Variants in FHIT observed in about 807,000 individuals in gnomAD.
The protein encoded by FHIT is bis(5'-adenosyl)-triphosphatase.
Under a neutral mutation model 17.9 loss-of-function variants are expected in FHIT, and 19 were observed. That is an observed-to-expected ratio of 1.06 (90% CI 0.74 to 1.56). The LOEUF (loss-of-function observed/expected upper bound fraction) is 1.56, where lower values mean the gene tolerates loss of function less well. Among genes scored for constraint, FHIT ranks in the 40% most tolerant of loss-of-function variants. FHIT has a pLI of 0.00. For synonymous variants in FHIT, 81 were observed against 69.7 expected, an observed-to-expected ratio of 1.16 and a Z score of -0.81; for missense variants, 248 against 189.2, an observed-to-expected ratio of 1.31 and a Z score of -1.82.
At chr3:60,014,889 G>T (rs1480476801) in intron 5 of FHIT, among the ~76,000 whole-genome samples, 5 of 151,842 alleles carry the variant, frequency 3.3e-5, no homozygotes, top group Non-Finnish European at 5.9e-5. Flanking sequence ...TTACACTATT[G>T]GTCTCAGCAA....
Position 59,927,214 on chromosome 3 carries a change from G to A in FHIT, c.280-4800C>T, listed in dbSNP as rs546670899. On this transcript the variant is annotated intron_variant, in intron 7 of 9. Transcript: ENST00000492590. Reference sequence around the variant, plus strand: ...AGCCAGACAAAAACGGCCACATATTGTACCATGCCATTTACATGAAAAAGC... The same window carrying A: ...AGCCAGACAAAAACGGCCACATATTATACCATGCCATTTACATGAAAAAGC... Among the ~76,000 whole-genome samples the A allele has an allele frequency of 3.6e-4, 55 of 152,218 alleles. 1 individual carries two copies. In the South Asian group the frequency reaches 0.011, roughly 30 times the overall value.
intron 8 of FHIT, among the ~76,000 whole-genome samples, chr3:59,809,916 TTCC>T (rs1224494219): frequency 6.6e-6 from 1 of 152,164 alleles, no homozygotes; most frequent in African/African-American, 2.4e-5. Context: ...TGAGCTGTGA[TTCC>T]TCCATGTTGA....
intron 5 of FHIT, among the ~76,000 whole-genome samples, chr3:60,189,575 C>T (rs937519986): frequency 3.9e-5 from 6 of 152,190 alleles, no homozygotes; most frequent in Admixed American, 3.9e-4. Context: ...TGGTTCCCTG[C>T]ATTTGCTATA....
chr3:60,665,249 G>A (rs1193889623), intron 4 of FHIT, among the ~76,000 whole-genome samples: 2 of 151,932 alleles, frequency 1.3e-5, no homozygotes, highest in Non-Finnish European at 2.9e-5. Flanking sequence ...AGTATATTCT[G>A]CTGTTGTTGG....
intron 7 of FHIT, among the ~76,000 whole-genome samples, chr3:59,923,378 G>C (rs1462469774): frequency 6.6e-6 from 1 of 152,100 alleles, no homozygotes; most frequent in Non-Finnish European, 1.5e-5. Flanking sequence ...TTTGGCTCCT[G>C]TGTTTCATTA....
chr3:59,905,432 A>G (rs971444045), intron 8 of FHIT, among the ~76,000 whole-genome samples: 19 of 152,352 alleles, frequency 1.2e-4, no homozygotes, highest in African/African-American at 4.6e-4. Context: ...CTGTTATCAG[A>G]TAAATTAAGT....
At chr3:60,022,481 G>A (rs1311679665) in intron 5 of FHIT, among the ~76,000 whole-genome samples, 3 of 152,188 alleles carry the variant, frequency 2.0e-5, no homozygotes, top group Non-Finnish European at 2.9e-5. Flanking sequence ...GTATGTGACC[G>A]ACAGCTTTAT....
rs535359573 is a variant in FHIT, at chr3:60,557,984, C to T, written c.-17-21005G>A. Among the ~76,000 whole-genome samples, 12 of 152,116 alleles carry T rather than the reference C, an allele frequency of 7.9e-5. 1 individual carries two copies. Among genetic ancestry groups the T allele is most frequent in the Admixed American group, 5.2e-4 (8 of 15,292 alleles). The stretch of plus-strand genomic sequence containing the variant: ...GACCATTGCTTTCCAAAAGAGGCAA[C>T]AAATAGAATTTTTTAAAAAACGCTT... On this transcript the variant is annotated intron_variant, in intron 4 of 9. Coordinates refer to ENST00000492590, the MANE Select transcript of FHIT (RefSeq NM_002012.4).
chr3:60,688,267 G>A (rs1180431288), intron 4 of FHIT, among the ~76,000 whole-genome samples: 1 of 152,130 alleles, frequency 6.6e-6, no homozygotes, highest in Non-Finnish European at 1.5e-5. Context: ...AAGCCAGATA[G>A]GTTAGATGCA....
intron 3 of FHIT, among the ~76,000 whole-genome samples, chr3:60,879,755 A>G (rs1216262832): frequency 6.6e-6 from 1 of 151,860 alleles, no homozygotes; most frequent in Non-Finnish European, 1.5e-5. Flanking sequence ...AATAAAAAAT[A>G]CAATAGGCAG....
intron 5 of FHIT, among the ~76,000 whole-genome samples, chr3:60,528,514 G>A (rs1012330297): frequency 2.0e-5 from 3 of 152,098 alleles, no homozygotes; most frequent in African/African-American, 7.2e-5. Context: ...ACCACTATTA[G>A]GAGGCTAAGT....
chr3:60,022,922 G>C (rs985747034), intron 5 of FHIT, among the ~76,000 whole-genome samples: 4 of 152,102 alleles, frequency 2.6e-5, no homozygotes, highest in African/African-American at 9.7e-5. Context: ...TATTATTATT[G>C]TTATTGTCCT....
intron 2 of FHIT, among the ~76,000 whole-genome samples, chr3:61,053,735 T>A (rs987007765): frequency 3.9e-5 from 6 of 152,138 alleles, no homozygotes; most frequent in Non-Finnish European, 8.8e-5. Flanking sequence ...GGCCTTGGTA[T>A]GAGTTGATGG....
intron 8 of FHIT, among the ~76,000 whole-genome samples, chr3:59,799,114 T>TA (rs397989805): frequency 1.3e-5 from 2 of 152,008 alleles, no homozygotes; most frequent in Non-Finnish European, 2.9e-5. Flanking sequence ...AAATATTTTT[T>TA]AACTCAGTTT....
At chr3:60,575,586 G>A (rs1553657309) in intron 4 of FHIT, among the ~76,000 whole-genome samples, 1 of 152,090 alleles carries the variant, frequency 6.6e-6, no homozygotes, top group South Asian at 2.1e-4. Flanking sequence ...GAATTAAGAA[G>A]ACCACAGTAT....
At chr3:60,822,803 G>C in intron 3 of FHIT, among the ~76,000 whole-genome samples, 1 of 152,168 alleles carries the variant, frequency 6.6e-6, no homozygotes, top group South Asian at 2.1e-4. Context: ...AAGTGGACAA[G>C]TGACAGGGAG....
Position 61,014,808 on chromosome 3 carries a change from A to AAAAAAAAAAAT in FHIT, c.-111+27238_-111+27239insATTTTTTTTTT, listed in dbSNP as rs1156410696. Among the ~76,000 whole-genome samples, 233 of 26,956 alleles carry AAAAAAAAAAAT rather than the reference A, an allele frequency of 8.6e-3. 33 individuals carry two copies. The highest frequency in any genetic ancestry group is 9.7e-3 in the East Asian group (12 of 1,238). The allele number at this position is 26,956 out of a possible 152,430, so 17.7% of individuals were successfully genotyped here. A position where few individuals can be genotyped will look rare whatever the true frequency, so the allele number is the denominator to read the frequency against. ...AAAAAAAAAAAAAAAAAAAAAAAAA[A>AAAAAAAAAAAT]TATATATATATATATATGTATACAC... is the stretch of plus-strand genomic sequence containing the variant. On this transcript the variant is annotated intron_variant, in intron 3 of 9. Transcript: ENST00000492590.
intron 5 of FHIT, among the ~76,000 whole-genome samples, chr3:60,103,376 T>C (rs990687680): frequency 3.3e-5 from 5 of 152,186 alleles, no homozygotes; most frequent in African/African-American, 1.2e-4. Context: ...TACATGGGAA[T>C]CTTCACAAGA....
chr3:60,520,577 G>A (rs2035320324), intron 5 of FHIT, among the ~76,000 whole-genome samples: 1 of 152,102 alleles, frequency 6.6e-6, no homozygotes. Flanking sequence ...ACTCCAAAAT[G>A]AAGGTCTACT....
Sources: gnomAD v4.1 joint callset for allele counts (sites outside exome capture counted in the v4.1 genomes callset) on GRCh38, gnomAD v4.1.1 for gene constraint, MANE v1.5 for transcripts, NCBI Gene and HGNC (gene_info 2026-07-23, HGNC 2026-07-21) for gene names.